The following ADARB2 variants were observed in gnomAD, a reference collection of about 807,000 sequenced individuals.
ADARB2 encodes adenosine deaminase RNA specific B2 (inactive), also known as inactive double-stranded RNA-specific editase B2.
Under a neutral mutation model 62.2 loss-of-function variants are expected in ADARB2, and 25 were observed. The ratio of observed to expected loss-of-function variants is 0.40; its 90% CI spans 0.29 to 0.56. The LOEUF is 0.56. Among genes scored for constraint, ADARB2 ranks in the 20% least tolerant of loss-of-function variants. The pLI is 0.43. For missense variants in ADARB2, 1,071 were observed against 1,077.4 expected (o/e 0.99, Z 0.08); for synonymous variants, 572 against 500.8 (o/e 1.14, Z -1.90).
chr10:1,635,989 C>A (rs1186351206), intron 1 of ADARB2, among the ~76,000 whole-genome samples: 1 of 152,126 alleles, frequency 6.6e-6, no homozygotes, highest in African/African-American at 2.4e-5. Flanking sequence ...GATAGGTAAA[C>A]CCAGCCGTGA....
At chr10:1,189,272 C>T (rs1242737646) in intron 8 of ADARB2, among the ~76,000 whole-genome samples, 1 of 152,072 alleles carries the variant, frequency 6.6e-6, no homozygotes, top group Non-Finnish European at 1.5e-5. Flanking sequence ...TAATTTTCCA[C>T]CAGTTTCCCA....
At chr10:1,733,157 A>G (rs888696069) in intron 1 of ADARB2, among the ~76,000 whole-genome samples, 4 of 152,194 alleles carry the variant, frequency 2.6e-5, no homozygotes, top group Admixed American at 2.0e-4. Flanking sequence ...TCACCCCTGA[A>G]GCCCCTTCCC....
At chr10:1,306,503 C>G (rs1831631071) in intron 3 of ADARB2, among the ~76,000 whole-genome samples, 1 of 151,916 alleles carries the variant, frequency 6.6e-6, no homozygotes, top group Admixed American at 6.6e-5. Flanking sequence ...TTTGCAGATT[C>G]AATGCCATCC....
At chr10:1,621,526 C>T (rs1564349675) in intron 1 of ADARB2, among the ~76,000 whole-genome samples, 1 of 152,074 alleles carries the variant, frequency 6.6e-6, no homozygotes, top group Non-Finnish European at 1.5e-5. Flanking sequence ...AGTGGTTCTC[C>T]TGCCTCAGCC....
At chr10:1,553,116 C>CCGG (rs1468801280) in intron 1 of ADARB2, among the ~76,000 whole-genome samples, 1 of 87,622 alleles carries the variant, frequency 1.1e-5, no homozygotes, top group Non-Finnish European at 2.6e-5. Flanking sequence ...CAGGCCAGCA[C>CCGG]CATCTCTGAA....
At chr10:1,502,997 A>G (rs545004439) in intron 1 of ADARB2, among the ~76,000 whole-genome samples, 42 of 152,222 alleles carry the variant, frequency 2.8e-4, no homozygotes, top group Non-Finnish European at 4.6e-4. Flanking sequence ...TATGTTTTAA[A>G]TAACTTTTGG....
intron 1 of ADARB2, among the ~76,000 whole-genome samples, chr10:1,500,265 T>A (rs11250570): frequency 4.6e-4 from 70 of 152,224 alleles, no homozygotes; most frequent in Non-Finnish European, 9.4e-4. Flanking sequence ...TAATGACCTG[T>A]CTGTTCTCTG....
intron 1 of ADARB2, among the ~76,000 whole-genome samples, chr10:1,596,565 G>T (rs1387633328): frequency 6.6e-6 from 1 of 152,246 alleles, no homozygotes; most frequent in Non-Finnish European, 1.5e-5. Flanking sequence ...ACAGAGGCTT[G>T]CAGGAGAGAT....
intron 1 of ADARB2, among the ~76,000 whole-genome samples, chr10:1,595,040 C>T (rs1564341863): frequency 1.3e-5 from 2 of 152,310 alleles, no homozygotes; most frequent in East Asian, 3.9e-4. Flanking sequence ...CATTCCTAGA[C>T]CTGCCCGCCC....
In ADARB2 at chr10:1,690,533, G is replaced by A. The variant is rs770728702; in HGVS notation, c.100+46518C>T. ...ATCAGAATTCCAGAGGTGATTACTCGTTGCCAGTCCTTCTACAGTGCAAGG... is the reference window on the plus strand; with the variant it reads ...ATCAGAATTCCAGAGGTGATTACTCATTGCCAGTCCTTCTACAGTGCAAGG... On this transcript the variant is annotated intron_variant, in intron 1 of 9. Transcript: ENST00000381312. Among the ~76,000 whole-genome samples the A allele has an allele frequency of 5.4e-4, 82 of 152,248 alleles. 6 individuals carry two copies. The highest frequency in any genetic ancestry group is 2.1e-4 in the South Asian group (1 of 4,820).
At chr10:1,303,581 T>A (rs916903671) in intron 3 of ADARB2, among the ~76,000 whole-genome samples, 1 of 151,856 alleles carries the variant, frequency 6.6e-6, no homozygotes, top group African/African-American at 2.4e-5. Flanking sequence ...AATTGTCAGA[T>A]TCACCAAAGT....
intron 1 of ADARB2, among the ~76,000 whole-genome samples, chr10:1,684,500 A>G (rs1033100959): frequency 3.3e-5 from 5 of 152,362 alleles, no homozygotes; most frequent in African/African-American, 9.6e-5. Flanking sequence ...TCAAACAGAA[A>G]GAATGAATGG....
chr10:1,584,137 TG>T (rs1429372321), intron 1 of ADARB2, among the ~76,000 whole-genome samples: 1 of 152,092 alleles, frequency 6.6e-6, no homozygotes, highest in Non-Finnish European at 1.5e-5. Context: ...AATCAATAAA[TG>T]GGACTTAATT....
chr10:1,513,153 G>C (rs1290283795), intron 1 of ADARB2, among the ~76,000 whole-genome samples: 1 of 152,174 alleles, frequency 6.6e-6, no homozygotes, highest in Non-Finnish European at 1.5e-5. Context: ...TTCACTATTT[G>C]TATGTATATC....
intron 2 of ADARB2, among the ~76,000 whole-genome samples, chr10:1,369,976 G>A (rs1176565239): frequency 6.6e-6 from 1 of 152,236 alleles, no homozygotes; most frequent in African/African-American, 2.4e-5. Flanking sequence ...GTTCACAAAT[G>A]GAACCTACCA....
Position 1,310,344 on chromosome 10 carries a change from C to G in ADARB2, c.1078-39275G>C, listed in dbSNP as rs192252192. ...GAGGCTCAGCACTCCTGCTAACCTA[C>G]GAAGATGTTGGAATCAATGAGAAAA... On this transcript the variant is annotated intron_variant, in intron 3 of 9. Transcript: ENST00000381312. Among the ~76,000 whole-genome samples, 17 of 151,132 alleles carry G rather than the reference C, an allele frequency of 1.1e-4. No homozygotes were observed. In the East Asian group the frequency reaches 2.7e-3, roughly 24 times the overall value.
rs541978444 is a variant in ADARB2 at position 1,668,046 on chromosome 10, G to C, written c.100+69005C>G. ...CCTGTGAGCCCTCCCTGGATGAGGC[G>C]TTAGCAGGAATCCCGCTGAGATAGT... On this transcript the variant is annotated intron_variant, in intron 1 of 9. Coordinates refer to ENST00000381312, the MANE Select transcript of ADARB2 (RefSeq NM_018702.4). Among the ~76,000 whole-genome samples the C allele has an allele frequency of 7.9e-5, 12 of 152,282 alleles. No homozygotes were observed. The South Asian group carries it at 1.0e-3, about 13-fold the overall frequency.
At chr10:1,730,641 C>T (rs951172158) in intron 1 of ADARB2, among the ~76,000 whole-genome samples, 4 of 150,932 alleles carry the variant, frequency 2.7e-5, no homozygotes, top group Admixed American at 6.6e-5. Flanking sequence ...TCTTTCTCTT[C>T]GAACTTAAGC....
intron 1 of ADARB2, among the ~76,000 whole-genome samples, chr10:1,624,237 A>AAAAAC (rs570973935): frequency 0.01 from 1,571 of 152,244 alleles, 32 homozygotes; most frequent in African/African-American, 0.036. Flanking sequence ...CTGTCTCGGA[A>AAAAAC]AAAACAAAAC....
Sources: gnomAD v4.1 joint callset for allele counts (sites outside exome capture counted in the v4.1 genomes callset) on GRCh38, gnomAD v4.1.1 for gene constraint, MANE v1.5 for transcripts, NCBI Gene and HGNC (gene_info 2026-07-23, HGNC 2026-07-21) for gene names.